NKD1: variants seen among roughly 807,000 people sequenced by gnomAD.
The protein encoded by NKD1 is NKD inhibitor of Wnt signaling pathway 1.
Under a neutral mutation model 56.0 loss-of-function variants are expected in NKD1, and 21 were observed. The observed-to-expected ratio is 0.38, with a 90% CI of 0.27 to 0.54. The LOEUF (loss-of-function observed/expected upper bound fraction) is 0.54. NKD1 is among the 20% of genes least tolerant of loss of function. NKD1 has a pLI of 0.82. For synonymous variants in NKD1, 263 were observed against 265.7 expected (o/e 0.99, Z 0.10); for missense variants, 578 against 642.7 (o/e 0.90, Z 1.09).
At chr16:50,612,244 G>T (rs560298315) in intron 4 of NKD1, among the ~76,000 whole-genome samples, 3 of 152,354 alleles carry the variant, frequency 2.0e-5, no homozygotes, top group South Asian at 4.1e-4. Flanking sequence ...TGGGGCCTGG[G>T]CCAGTCTGTC....
chr16:50,646,412 C>G lies in NKD1; in HGVS notation c.*12631C>G, dbSNP rs1962681002. 6.6e-6 allele frequency: 1 copy of G among 151,860 alleles called. No individual in the cohort carries two copies. Among genetic ancestry groups the G allele is most frequent in the Non-Finnish European group, 1.5e-5 (1 of 67,992 alleles). 9.4% of individuals were successfully genotyped at this position (151,860 alleles called of 1,614,324 possible). On this transcript the variant is annotated 3_prime_UTR_variant, in exon 10 of 10. Transcript: ENST00000268459. ...AACGAAGGCTAACTGATGCCACAGT[C>G]TTTTATGTACATGGCAAAAACGGGA...
intron 3 of NKD1, among the ~76,000 whole-genome samples, chr16:50,602,748 G>T (rs1046834877): frequency 6.6e-6 from 1 of 152,218 alleles, no homozygotes; most frequent in Admixed American, 6.5e-5. Context: ...GTGTCTTCCT[G>T]TGAGGGCTCC....
intron 3 of NKD1, among the ~76,000 whole-genome samples, chr16:50,571,966 C>T (rs1960894899): frequency 6.6e-6 from 1 of 152,186 alleles, no homozygotes. Flanking sequence ...TCCCAGCCGC[C>T]CTGCTCCCTT....
intron 4 of NKD1, among the ~76,000 whole-genome samples, chr16:50,617,676 A>G (rs1311086181): frequency 6.6e-6 from 1 of 152,176 alleles, no homozygotes; most frequent in Non-Finnish European, 1.5e-5. Context: ...TCCACAAACC[A>G]TTACCAACCC....
intron 3 of NKD1, among the ~76,000 whole-genome samples, chr16:50,580,593 G>A (rs551985343): frequency 1.3e-5 from 2 of 152,336 alleles, no homozygotes; most frequent in South Asian, 4.1e-4. Flanking sequence ...GGCAGAAATT[G>A]CAACCTGGTG....
intron 6 of NKD1, 26 bp from the exon 7 acceptor site, chr16:50,630,160 T>A (rs770363522): frequency 6.2e-7 from 1 of 1,611,404 alleles, no homozygotes. Flanking sequence ...AAACCCTGCA[T>A]GGGTCTCCGC....
At chr16:50,589,731 TCTC>T (rs1961312460) in intron 3 of NKD1, among the ~76,000 whole-genome samples, 3 of 95,428 alleles carry the variant, frequency 3.1e-5, no homozygotes, top group Non-Finnish European at 6.1e-5. Flanking sequence ...TCTCTTCTCT[TCTC>T]TTCTCTTCTC....
chr16:50,550,115 C>T (rs1466011676), intron 3 of NKD1, among the ~76,000 whole-genome samples: 2 of 151,858 alleles, frequency 1.3e-5, no homozygotes, highest in East Asian at 3.9e-4. Flanking sequence ...GGCCTCATTC[C>T]ACTGTAGCCT....
intron 3 of NKD1, chr16:50,555,982 A>G (rs1960494707): frequency 6.6e-6 from 1 of 151,926 alleles, no homozygotes; most frequent in Non-Finnish European, 1.5e-5. Context: ...GAGGAAGGAA[A>G]AAATTCAGTC....
chr16:50,549,125 C>G (rs1054723037), intron 2 of NKD1: 1 of 157,150 alleles, frequency 6.4e-6, no homozygotes, highest in Non-Finnish European at 1.4e-5. Flanking sequence ...CTCCTGACCC[C>G]CAGCCCTCTC....
chr16:50,560,444 CAG>C (rs916457568), intron 3 of NKD1, among the ~76,000 whole-genome samples: 1 of 152,218 alleles, frequency 6.6e-6, no homozygotes, highest in African/African-American at 2.4e-5. Flanking sequence ...GCTGGATTCT[CAG>C]AGCACTGTTA....
chr16:50,618,295 TGGGCTAAACA>T (rs1962008189), intron 4 of NKD1, among the ~76,000 whole-genome samples: 1 of 152,088 alleles, frequency 6.6e-6, no homozygotes, highest in Non-Finnish European at 1.5e-5. Context: ...GAAAAATGGC[TGGGCTAAACA>T]GGAATCAGAG....
intron 3 of NKD1, among the ~76,000 whole-genome samples, chr16:50,583,525 C>T (rs1340822247): frequency 6.6e-6 from 1 of 152,214 alleles, no homozygotes; most frequent in Non-Finnish European, 1.5e-5. Context: ...ACACAAGACT[C>T]AGGAGCTACC....
At chr16:50,606,822 C>T (rs1961721942) in intron 3 of NKD1, 1 of 456,712 alleles carries the variant, frequency 2.2e-6, no homozygotes, top group Non-Finnish European at 4.4e-6. Context: ...CTCTGCCTAC[C>T]AGCCTTTCAG....
chr16:50,637,657 G>C lies in NKD1; in HGVS notation c.*3876G>C, dbSNP rs1427376667. The C allele has an allele frequency of 6.6e-6, 1 of 152,194 alleles. No homozygotes were observed. Among genetic ancestry groups the C allele is most frequent in the Non-Finnish European group, 1.5e-5 (1 of 68,062 alleles). The allele number at this position is 152,194 out of a possible 1,614,324, so 9.4% of individuals were successfully genotyped here. On this transcript the variant is annotated 3_prime_UTR_variant, in exon 10 of 10. Transcript: ENST00000268459. Reference sequence around the variant, plus strand: ...GGAAGGTTGGAAGGAAGGAAGGAGGGAAAATTAGAAGGGGAAACCATGATT... The same window carrying C: ...GGAAGGTTGGAAGGAAGGAAGGAGGCAAAATTAGAAGGGGAAACCATGATT...
intron 3 of NKD1, among the ~76,000 whole-genome samples, chr16:50,590,003 A>C (rs1264978469): frequency 6.6e-6 from 1 of 151,944 alleles, no homozygotes; most frequent in Non-Finnish European, 1.5e-5. Flanking sequence ...GCATGCCACC[A>C]TGCCAGGCTA....
At position 50,551,435 on chromosome 16, in the gene NKD1, C is replaced by T. The variant is rs367804731; in HGVS notation, c.192+1880C>T. On this transcript the variant is annotated intron_variant, in intron 3 of 9. Coordinates refer to ENST00000268459, the MANE Select transcript of NKD1 (RefSeq NM_033119.5). The stretch of plus-strand genomic sequence containing the variant: ...CTTTTGAAGATGTGAGGCTCAGAGC[C>T]GTTGGCATGACATGTGTCAGGTGGT... Among the ~76,000 whole-genome samples, 46 of 152,368 alleles carry T rather than the reference C, an allele frequency of 3.0e-4. No individual in the cohort carries two copies. The East Asian group carries it at 5.2e-3, about 17-fold the overall frequency.
chr16:50,549,152 G>A (rs1252644207), intron 2 of NKD1, among the ~76,000 whole-genome samples: 1 of 150,170 alleles, frequency 6.7e-6, no homozygotes, highest in Admixed American at 6.6e-5. Flanking sequence ...AGTCCTGGCT[G>A]CCAGTGCTCC....
Position 50,554,378 on chromosome 16 carries a change from G to T in NKD1, c.192+4823G>T, listed in dbSNP as rs931525781. Among the ~76,000 whole-genome samples, 3 of 152,226 alleles carry T rather than the reference G, an allele frequency of 2.0e-5. No individual in the cohort carries two copies. In the East Asian group the frequency reaches 5.8e-4, roughly 29 times the overall value. ...TACACTCTGGGATCAAACTGTCCCC[G>T]CGAGGGCAGGAAACATCAAGGCTGA... On this transcript the variant is annotated intron_variant, in intron 3 of 9. Coordinates refer to ENST00000268459, the MANE Select transcript of NKD1 (RefSeq NM_033119.5).
Sources: gnomAD v4.1 joint callset for allele counts (sites outside exome capture counted in the v4.1 genomes callset) on GRCh38, gnomAD v4.1.1 for gene constraint, MANE v1.5 for transcripts, NCBI Gene and HGNC (gene_info 2026-07-23, HGNC 2026-07-21) for gene names.